LYN: variants seen among roughly 807,000 people sequenced by gnomAD.
LYN encodes the protein LYN proto-oncogene, Src family tyrosine kinase, also known as tyrosine-protein kinase Lyn.
LYN carries 12 observed loss-of-function variants against 65.0 expected under a neutral mutation model. That is an observed-to-expected ratio of 0.18 (90% CI 0.12 to 0.30). LYN has a LOEUF of 0.30. Among genes scored for constraint, LYN ranks in the 10% least tolerant of loss-of-function variants. The pLI, the probability that LYN is intolerant of heterozygous loss-of-function variation, is 1.00. For synonymous variants in LYN, 222 were observed against 221.2 expected (o/e 1.00, Z -0.03); for missense variants, 380 against 623.2 (o/e 0.61, Z 4.16).
chr8:55,902,429 GCAATTCTC>G (rs1805294722), intron 1 of LYN, among the ~76,000 whole-genome samples: 1 of 150,074 alleles, frequency 6.7e-6, no homozygotes, highest in Admixed American at 6.7e-5. Context: ...CCAGGTTCAA[GCAATTCTC>G]CTGCCTCAGC....
At chr8:56,002,278 G>A (rs1716597394) in intron 12 of LYN, among the ~76,000 whole-genome samples, 1 of 152,132 alleles carries the variant, frequency 6.6e-6, no homozygotes. Flanking sequence ...AATTAGCCAG[G>A]CGTGGTGGCA....
At chr8:55,883,321 T>A (rs1459987847) in intron 1 of LYN, among the ~76,000 whole-genome samples, 1 of 152,162 alleles carries the variant, frequency 6.6e-6, no homozygotes, top group African/African-American at 2.4e-5. Flanking sequence ...AAATCATGAG[T>A]TAATTTTCTT....
At chr8:55,952,185 A>AT in intron 7 of LYN, 70 bp downstream of exon 7, 1 of 1,271,278 alleles carries the variant, frequency 7.9e-7, no homozygotes, top group East Asian at 2.5e-5. Context: ...GTCAAACGCT[A>AT]TTTTTATATT....
intron 1 of LYN, 88 bp from the exon 2 acceptor site, chr8:55,941,767 T>C (rs1349302733): frequency 3.6e-5 from 32 of 900,454 alleles, no homozygotes; most frequent in Non-Finnish European, 5.0e-5. Flanking sequence ...AAGTATATTT[T>C]TTCTACTCTT....
intron 1 of LYN, among the ~76,000 whole-genome samples, chr8:55,936,921 T>G (rs1164805570): frequency 6.6e-6 from 1 of 152,240 alleles, no homozygotes; most frequent in Non-Finnish European, 1.5e-5. Context: ...TTTACTTTCC[T>G]CATACACAAA....
At chr8:55,969,049 G>T (rs1430392579) in intron 9 of LYN, among the ~76,000 whole-genome samples, 1 of 152,194 alleles carries the variant, frequency 6.6e-6, no homozygotes, top group African/African-American at 2.4e-5. Context: ...TGGAGGCCAA[G>T]GTGGGAGGAT....
chr8:55,910,957 T>G (rs181052678), intron 1 of LYN, among the ~76,000 whole-genome samples: 1 of 144,172 alleles, frequency 6.9e-6, no homozygotes, highest in Admixed American at 7.1e-5. Flanking sequence ...AGTGCAGTGG[T>G]GCAGTCTTGG....
intron 9 of LYN, among the ~76,000 whole-genome samples, chr8:55,967,184 A>C (rs1807483215): frequency 6.6e-6 from 1 of 151,448 alleles, no homozygotes; most frequent in Non-Finnish European, 1.5e-5. Context: ...ATATTTATCA[A>C]ATGAATTACT....
At chr8:55,937,237 C>G (rs140071517) in intron 1 of LYN, among the ~76,000 whole-genome samples, 184 of 152,246 alleles carry the variant, frequency 1.2e-3, no homozygotes, top group African/African-American at 4.2e-3. Flanking sequence ...TGGATGTCCT[C>G]TTAGATTTTT....
At position 55,880,051 on chromosome 8, in the gene LYN, T is replaced by C. The variant is rs1466691818; in HGVS notation, c.-58T>C. The C allele has an allele frequency of 6.4e-6, 2 of 314,594 alleles. No individual in the cohort carries two copies. The highest frequency in any genetic ancestry group is 6.4e-6 in the Non-Finnish European group (1 of 155,180). The allele number at this position is 314,594 out of a possible 1,614,324, so 19.5% of individuals were successfully genotyped here. On this transcript the variant is annotated 5_prime_UTR_variant, in exon 1 of 13. Transcript: ENST00000519728. Reference sequence around the variant, plus strand: ...GGCCGCCCCGTCGCGCCCCCCACTCTGAACTCAAGTCACCGTGGAGCTCCG... The same window carrying C: ...GGCCGCCCCGTCGCGCCCCCCACTCCGAACTCAAGTCACCGTGGAGCTCCG...
chr8:55,999,533 G>A lies in LYN; in HGVS notation c.1320G>A (p.Gly440=), dbSNP rs1184347706. ...TCCTATACGAAATTGTCACCTATGG[G>A]AAAATTCCCTACCCAGGTATGGTTT... The part of the protein sequence containing the change: ...GILLYEIVTY[G]KIPYPGRTNA... Residue 440 remains glycine (G), a synonymous_variant, in exon 12 of 13, where the codon GGG becomes GGA. Transcript: ENST00000519728. The A allele has an allele frequency of 6.2e-7, 1 of 1,613,822 alleles. No homozygotes were observed. Among genetic ancestry groups the A allele is most frequent in the Non-Finnish European group, 8.5e-7 (1 of 1,179,740 alleles).
intron 10 of LYN, among the ~76,000 whole-genome samples, chr8:55,978,353 A>G (rs570425048): frequency 2.0e-5 from 3 of 152,256 alleles, no homozygotes; most frequent in Non-Finnish European, 4.4e-5. Flanking sequence ...TCACAGGCAC[A>G]TAGAAATAGA....
intron 10 of LYN, among the ~76,000 whole-genome samples, chr8:55,995,551 G>A (rs1446512963): frequency 6.6e-6 from 1 of 152,180 alleles, no homozygotes; most frequent in Non-Finnish European, 1.5e-5. Flanking sequence ...TGCAGAAATT[G>A]TGGACAGGTA....
chr8:55,968,336 A>T (rs1807518085), intron 9 of LYN, among the ~76,000 whole-genome samples: 1 of 152,100 alleles, frequency 6.6e-6, no homozygotes, highest in Non-Finnish European at 1.5e-5. Context: ...GATCACTGCA[A>T]CCTCTGCCTC....
chr8:55,976,341 AAAAG>A (rs1312728366), intron 10 of LYN, among the ~76,000 whole-genome samples: 5 of 151,714 alleles, frequency 3.3e-5, no homozygotes, highest in Admixed American at 1.3e-4. Context: ...AAAAAAAAAA[AAAAG>A]AAGGAAGGAA....
intron 1 of LYN, chr8:55,894,176 C>G (rs911610878): frequency 1.3e-5 from 2 of 152,536 alleles, no homozygotes; most frequent in South Asian, 2.1e-4. Context: ...ATCCCCCAAC[C>G]CCCCCAGCTT....
At chr8:55,912,174 C>T (rs1407324678) in intron 1 of LYN, among the ~76,000 whole-genome samples, 1 of 152,128 alleles carries the variant, frequency 6.6e-6, no homozygotes, top group Non-Finnish European at 1.5e-5. Context: ...AAATGTACTC[C>T]AAAGGAATTT....
chr8:55,987,425 C>A (rs974512579), intron 10 of LYN, among the ~76,000 whole-genome samples: 3 of 149,990 alleles, frequency 2.0e-5, no homozygotes, highest in East Asian at 1.9e-4. Flanking sequence ...AAAAAAAAAT[C>A]TTTTCTGTTT....
chr8:56,008,951 T>A (rs79408978), intron 12 of LYN, among the ~76,000 whole-genome samples: 1,753 of 152,334 alleles, frequency 0.012, 27 homozygotes, highest in African/African-American at 0.039. Context: ...CAGACAAGTG[T>A]CCTTCAGATT....
Sources: gnomAD v4.1 joint callset for allele counts (sites outside exome capture counted in the v4.1 genomes callset) on GRCh38, gnomAD v4.1.1 for gene constraint, MANE v1.5 for transcripts, NCBI Gene and HGNC (gene_info 2026-07-23, HGNC 2026-07-21) for gene names.